Variants in NOX4 observed in about 807,000 individuals in gnomAD.
NOX4 encodes NADPH oxidase 4.
A neutral mutation model predicts 87.6 loss-of-function variants in NOX4; 69 were observed. The ratio of observed to expected loss-of-function variants is 0.79; its 90% CI spans 0.65 to 0.96. The LOEUF is 0.96. Among genes scored for constraint, NOX4 ranks in the 40% least tolerant of loss-of-function variants. The pLI is 0.00. For synonymous variants in NOX4, 275 were observed against 238.2 expected (o/e 1.15, Z -1.42); for missense variants, 680 against 681.5 (o/e 1.00, Z 0.02).
rs1229889162 is a variant in NOX4 at position 89,432,815 on chromosome 11, G to T, written c.517C>A (p.Leu173Ile). 6.2e-7 allele frequency: 1 copy of T among 1,611,372 alleles called. No homozygotes were observed. The highest frequency in any genetic ancestry group is 1.3e-5 in the African/African-American group (1 of 74,894). Residue 173 changes from leucine to isoleucine, a missense_variant, in exon 7 of 18, where the codon CTC becomes ATC. Coordinates refer to ENST00000263317, the MANE Select transcript of NOX4 (RefSeq NM_016931.5). Reference protein sequence around the residue: ...TGVCMVVVLFLMITASTYAIR... With the variant: ...TGVCMVVVLFIMITASTYAIR... ...GCATATGTAGAGGCTGTGATCATGA[G>T]GAATAGCACCACCACCATGCAGACC... is the stretch of plus-strand genomic sequence containing the variant.
Position 89,446,489 on chromosome 11 carries a change from A to T in NOX4, c.350-2257T>A, listed in dbSNP as rs1051819172. ...CATGTCTTTCAATAGGTGAATAGATAAAAAAAAAACTGTGGTACATCCAGA... is the reference window on the plus strand; with the variant it reads ...CATGTCTTTCAATAGGTGAATAGATTAAAAAAAAACTGTGGTACATCCAGA... On this transcript the variant is annotated intron_variant, in intron 4 of 17. Transcript: ENST00000263317. Among the ~76,000 whole-genome samples the T allele has an allele frequency of 3.2e-5, 4 of 123,282 alleles. No homozygotes were observed. The East Asian group carries it at 1.1e-3, about 35-fold the overall frequency. 80.9% of individuals were successfully genotyped at this position (123,282 alleles called of 152,430 possible).
chr11:89,406,337 G>A lies in NOX4; in HGVS notation c.630-3795C>T, dbSNP rs542577813. ...GGCACATGTTCTATATGATTTTTAT[G>A]GTGTTTTAAATTCCTGGTACCTTTA... On this transcript the variant is annotated intron_variant, in intron 8 of 17. Coordinates refer to ENST00000263317, the MANE Select transcript of NOX4 (RefSeq NM_016931.5). Among the ~76,000 whole-genome samples the A allele has an allele frequency of 6.4e-4, 97 of 152,048 alleles. 1 individual carries two copies. Among genetic ancestry groups the A allele is most frequent in the African/African-American group, 2.1e-3 (89 of 41,508 alleles).
At chr11:89,505,474 C>G in the NOX4 span, among the ~76,000 whole-genome samples, 3 of 151,918 alleles carry the variant, frequency 2.0e-5, no homozygotes, top group African/African-American at 7.2e-5. Context: ...CCAGGAAAGG[C>G]CTTTCTAAGG....
intron 15 of NOX4, among the ~76,000 whole-genome samples, chr11:89,338,612 G>A (rs776054801): frequency 1.9e-4 from 29 of 151,938 alleles, no homozygotes; most frequent in Non-Finnish European, 8.8e-5. Flanking sequence ...CTCTCTAATT[G>A]CCTGTCCTAC....
chr11:89,489,309 T>C lies in NOX4; in HGVS notation c.153+1149A>G, dbSNP rs924989394. ...TTAATTTTAAGTAGTCATTAAACCA[T>C]GAAAAAAAATAAAAAAGCAAAATGT... is the stretch of plus-strand genomic sequence containing the variant. On this transcript the variant is annotated intron_variant, in intron 2 of 17. Coordinates refer to ENST00000263317, the MANE Select transcript of NOX4 (RefSeq NM_016931.5). 1.1e-4 allele frequency among the ~76,000 whole-genome samples: 17 copies of C among 152,118 alleles called. No homozygotes were observed. In the East Asian group the frequency reaches 2.3e-3, roughly 21 times the overall value.
At chr11:89,401,970 T>G (rs1197573476) in intron 9 of NOX4, among the ~76,000 whole-genome samples, 1 of 152,046 alleles carries the variant, frequency 6.6e-6, no homozygotes, top group Non-Finnish European at 1.5e-5. Context: ...AATAAAATAA[T>G]AATTTGTGGT....
chr11:89,439,477 G>A (rs1192337747), intron 6 of NOX4, among the ~76,000 whole-genome samples: 1 of 152,078 alleles, frequency 6.6e-6, no homozygotes, highest in Non-Finnish European at 1.5e-5. Context: ...GCTGTGACAT[G>A]GATGGGGAAA....
chr11:89,534,481 A>G, the NOX4 span, among the ~76,000 whole-genome samples: 1 of 152,086 alleles, frequency 6.6e-6, no homozygotes, highest in Admixed American at 6.5e-5. Context: ...CCTGCTCACC[A>G]CATATCATAA....
chr11:89,531,397 A>T, the NOX4 span, among the ~76,000 whole-genome samples: 1 of 152,198 alleles, frequency 6.6e-6, no homozygotes, highest in Admixed American at 6.5e-5. Context: ...ACATTAAGAC[A>T]CACAGAAGCT....
chr11:89,582,717 A>C, the NOX4 span, among the ~76,000 whole-genome samples: 1 of 152,214 alleles, frequency 6.6e-6, no homozygotes, highest in Non-Finnish European at 1.5e-5. Context: ...TAACGTTGAA[A>C]CTCAGGCCAG....
intron 12 of NOX4, among the ~76,000 whole-genome samples, chr11:89,366,022 T>C (rs563819880): frequency 1.1e-4 from 17 of 152,104 alleles, no homozygotes; most frequent in Non-Finnish European, 1.3e-4. Context: ...ATGTTCCTGA[T>C]AATAATGATA....
intron 2 of NOX4, among the ~76,000 whole-genome samples, chr11:89,470,498 A>G (rs1033805749): frequency 1.3e-5 from 2 of 152,160 alleles, no homozygotes; most frequent in Admixed American, 1.3e-4. Flanking sequence ...AGAGAATACC[A>G]AAAGTGATTA....
intron 13 of NOX4, among the ~76,000 whole-genome samples, chr11:89,350,694 A>T (rs1188654930): frequency 6.6e-6 from 1 of 152,198 alleles, no homozygotes; most frequent in Non-Finnish European, 1.5e-5. Context: ...TGTGAATGAA[A>T]TACATTCTAA....
the NOX4 span, among the ~76,000 whole-genome samples, chr11:89,547,133 A>G: frequency 6.6e-6 from 1 of 152,206 alleles, no homozygotes; most frequent in South Asian, 2.1e-4. Context: ...CTTTCCTCTC[A>G]TCCTTTCCCC....
intron 11 of NOX4, among the ~76,000 whole-genome samples, chr11:89,385,260 C>T (rs897990492): frequency 1.3e-5 from 2 of 152,176 alleles, no homozygotes; most frequent in African/African-American, 2.4e-5. Context: ...AAACACTTCT[C>T]AAGGCCACTT....
chr11:89,461,647 A>AAAATAAATAAATACATAAAT (rs1555041599), intron 2 of NOX4, among the ~76,000 whole-genome samples: 1 of 145,634 alleles, frequency 6.9e-6, no homozygotes, highest in African/African-American at 2.6e-5. Flanking sequence ...TCCATCTCAA[A>AAAATAAATAAATACATAAAT]AAATAAATAA....
chr11:89,441,835 G>A (rs2135357286), intron 5 of NOX4, among the ~76,000 whole-genome samples: 1 of 151,904 alleles, frequency 6.6e-6, no homozygotes, highest in African/African-American at 2.4e-5. Flanking sequence ...CAGTCACAAG[G>A]TGGAGGGTGA....
rs187311862 is a variant in NOX4, at chr11:89,411,264, A to C, written c.630-8722T>G. Among the ~76,000 whole-genome samples the C allele has an allele frequency of 2.4e-4, 37 of 152,236 alleles. No homozygotes were observed. The East Asian group carries it at 6.4e-3, about 26-fold the overall frequency. On this transcript the variant is annotated intron_variant, in intron 8 of 17. Coordinates refer to ENST00000263317, the MANE Select transcript of NOX4 (RefSeq NM_016931.5). ...GCCATGGGCCTTGGGTGAGACTGAG[A>C]GATGTACTGGCTTTAGGTGTGACCC...
chr11:89,588,734 C>A, the NOX4 span, among the ~76,000 whole-genome samples: 2 of 152,144 alleles, frequency 1.3e-5, no homozygotes, highest in African/African-American at 4.8e-5. Flanking sequence ...CATGGGGGAG[C>A]TGCATTTTTG....
Sources: gnomAD v4.1 joint callset for allele counts (sites outside exome capture counted in the v4.1 genomes callset) on GRCh38, gnomAD v4.1.1 for gene constraint, MANE v1.5 for transcripts, NCBI Gene and HGNC (gene_info 2026-07-23, HGNC 2026-07-21) for gene names.